The following TEKT5 variants were observed in gnomAD, a reference collection of about 807,000 sequenced individuals.
TEKT5 encodes the protein tektin 5.
A neutral mutation model predicts 48.7 loss-of-function variants in TEKT5; 52 were observed. The observed-to-expected ratio is 1.07, with a 90% CI of 0.86 to 1.35. The LOEUF is 1.35. Ranked by LOEUF, TEKT5 falls within the 40% of genes most tolerant of loss-of-function variation. TEKT5 has a pLI of 0.00. For missense variants in TEKT5, 831 were observed against 641.6 expected (o/e 1.30, Z -3.19); for synonymous variants, 318 against 267.6 (o/e 1.19, Z -1.84).
At chr16:10,675,617 G>C (rs1338388075) in intron 5 of TEKT5, among the ~76,000 whole-genome samples, 2 of 152,188 alleles carry the variant, frequency 1.3e-5, no homozygotes, top group Non-Finnish European at 2.9e-5. Flanking sequence ...TGCAGAAGTG[G>C]CAGAGACTAT....
chr16:10,652,733 C>T (rs1175590038), intron 5 of TEKT5, among the ~76,000 whole-genome samples: 66 of 78,042 alleles, frequency 8.5e-4, no homozygotes, highest in African/African-American at 2.3e-3. Context: ...ACCCTCCAGG[C>T]CAGGTAGAGT....
rs1898873640 is a variant in TEKT5 at position 10,687,076 on chromosome 16, G to T, written c.719+2177C>A. Among the ~76,000 whole-genome samples, 4 of 152,294 alleles carry T rather than the reference G, an allele frequency of 2.6e-5. No homozygotes were observed. The South Asian group carries it at 8.3e-4, about 32-fold the overall frequency. ...ACAGAGTAGAATGGTTGTTACCAGAGGCTGGGGGTGGGGTATTGGGGAGAT... is the reference window on the plus strand; with the variant it reads ...ACAGAGTAGAATGGTTGTTACCAGATGCTGGGGGTGGGGTATTGGGGAGAT... On this transcript the variant is annotated intron_variant, in intron 3 of 6. Coordinates refer to ENST00000283025, the MANE Select transcript of TEKT5 (RefSeq NM_144674.2).
chr16:10,657,518 G>A (rs1193431555), intron 5 of TEKT5, among the ~76,000 whole-genome samples: 2 of 152,048 alleles, frequency 1.3e-5, no homozygotes, highest in South Asian at 2.1e-4. Flanking sequence ...TATAACCAAT[G>A]ACTTCCAAAG....
intron 5 of TEKT5, among the ~76,000 whole-genome samples, chr16:10,656,114 G>C (rs1344516451): frequency 6.6e-6 from 1 of 152,080 alleles, no homozygotes; most frequent in East Asian, 1.9e-4. Context: ...TGTTTAGTTA[G>C]CAGCCTCCCT....
chr16:10,684,648 A>G (rs1898825712), intron 3 of TEKT5, among the ~76,000 whole-genome samples: 1 of 152,052 alleles, frequency 6.6e-6, no homozygotes, highest in South Asian at 2.1e-4. Context: ...GAAAGCAAAC[A>G]TGTTAGAGAA....
At chr16:10,640,344 C>T (rs906480280) in intron 5 of TEKT5, among the ~76,000 whole-genome samples, 2 of 152,100 alleles carry the variant, frequency 1.3e-5, no homozygotes, top group Admixed American at 1.3e-4. Context: ...AAACTCCTGA[C>T]CTAAAGTGAT....
At chr16:10,640,127 C>CCCT (rs1897973891) in intron 5 of TEKT5, among the ~76,000 whole-genome samples, 8 of 131,168 alleles carry the variant, frequency 6.1e-5, no homozygotes, top group Admixed American at 4.7e-4. Flanking sequence ...CTCCTCCCCC[C>CCCT]TTCCTCCTCC....
intron 5 of TEKT5, among the ~76,000 whole-genome samples, chr16:10,645,187 T>C (rs892492890): frequency 3.3e-5 from 5 of 152,170 alleles, no homozygotes; most frequent in African/African-American, 1.2e-4. Flanking sequence ...GCCCCCCCAG[T>C]TATTGCATGA....
rs2142250546 is a variant in TEKT5 at position 10,627,893 on chromosome 16, A to G, written c.1242-94T>C. 4.1e-6 allele frequency: 5 copies of G among 1,222,068 alleles called. No homozygotes were observed. The South Asian group carries it at 5.7e-5, about 14-fold the overall frequency. The allele number at this position is 1,222,068 out of a possible 1,614,324, so 75.7% of individuals were successfully genotyped here. A position where few individuals can be genotyped will look rare whatever the true frequency, so the allele number is the denominator to read the frequency against. The stretch of plus-strand genomic sequence containing the variant: ...AGTCTCACTCTGTCACCCAGGCTGG[A>G]GTGCAGTGGCACAATCTCGGCTCAC... On this transcript the variant is annotated intron_variant, in intron 6 of 6. Coordinates refer to ENST00000283025, the MANE Select transcript of TEKT5 (RefSeq NM_144674.2).
At chr16:10,693,075 T>C (rs1355780882) in intron 1 of TEKT5, 1 of 152,270 alleles carries the variant, frequency 6.6e-6, no homozygotes, top group Non-Finnish European at 1.5e-5. Context: ...TGTCCACATT[T>C]AGTTTTTGTT....
At chr16:10,634,802 T>A (rs752217792) in intron 6 of TEKT5, among the ~76,000 whole-genome samples, 4 of 152,112 alleles carry the variant, frequency 2.6e-5, no homozygotes, top group Non-Finnish European at 5.9e-5. Flanking sequence ...AGCAAAGAAC[T>A]GAGTTCTACC....
chr16:10,655,261 T>C (rs1898241441), intron 5 of TEKT5, among the ~76,000 whole-genome samples: 1 of 152,108 alleles, frequency 6.6e-6, no homozygotes, highest in Admixed American at 6.6e-5. Flanking sequence ...TATTTACACG[T>C]TCTTATCGCT....
At chr16:10,652,869 A>ACACACACACCC (rs1178174946) in intron 5 of TEKT5, among the ~76,000 whole-genome samples, 1 of 88,902 alleles carries the variant, frequency 1.1e-5, no homozygotes, top group African/African-American at 5.6e-5. Context: ...ACACACACAC[A>ACACACACACCC]CCCTCCAGGT....
At chr16:10,691,643 GA>G (rs1225584981) in intron 1 of TEKT5, among the ~76,000 whole-genome samples, 1 of 152,072 alleles carries the variant, frequency 6.6e-6, no homozygotes, top group Non-Finnish European at 1.5e-5. Context: ...AGGAATTCCG[GA>G]ATTAAGATGT....
rs1025463274 is a variant in TEKT5, at chr16:10,629,834, T to C, written c.1242-2035A>G. 2.6e-5 allele frequency among the ~76,000 whole-genome samples: 4 copies of C among 152,258 alleles called. 1 individual carries two copies. The highest frequency in any genetic ancestry group is 9.6e-5 in the African/African-American group (4 of 41,468). On this transcript the variant is annotated intron_variant, in intron 6 of 6. Coordinates refer to ENST00000283025, the MANE Select transcript of TEKT5 (RefSeq NM_144674.2). ...CATCTCTGTGATGCACTTCAAGGTC[T>C]GGCGCCCCTTGCAGGATCAGCTGGG...
intron 6 of TEKT5, among the ~76,000 whole-genome samples, chr16:10,633,455 G>A (rs1306162163): frequency 1.3e-5 from 2 of 152,156 alleles, no homozygotes; most frequent in Non-Finnish European, 2.9e-5. Context: ...AGCAGGGGCA[G>A]AGGGAAGAGA....
chr16:10,694,500 T>TC lies in TEKT5; in HGVS notation c.373dup (p.Asp125GlyfsTer34). On this transcript the variant is annotated frameshift_variant, in exon 1 of 7. Coordinates refer to ENST00000283025, the MANE Select transcript of TEKT5 (RefSeq NM_144674.2). LOFTEE classifies it high-confidence loss of function. ...CATCTGGTGCGTCAGCTGGTCCTTG[T>TC]CCTGCAAGAGCCTCATGGAGTCATC... 6.2e-7 allele frequency: 1 copy of TC among 1,613,244 alleles called. No homozygotes were observed. Among genetic ancestry groups the TC allele is most frequent in the Middle Eastern group, 1.7e-4 (1 of 6,060 alleles).
intron 5 of TEKT5, among the ~76,000 whole-genome samples, chr16:10,653,636 G>A (rs536368227): frequency 2.2e-4 from 34 of 152,330 alleles, no homozygotes; most frequent in African/African-American, 7.7e-4. Flanking sequence ...TGCCCGGCCA[G>A]GTGTGGTGGC....
intron 5 of TEKT5, among the ~76,000 whole-genome samples, chr16:10,642,021 G>T (rs1048948392): frequency 6.6e-6 from 1 of 152,224 alleles, no homozygotes; most frequent in Admixed American, 6.5e-5. Context: ...GGGGCTGGCC[G>T]CAGGCTGGCA....
Sources: allele counts gnomAD v4.1 joint callset (sites outside exome capture counted in the v4.1 genomes callset), GRCh38; gene constraint gnomAD v4.1.1; transcripts MANE v1.5; gene names NCBI Gene and HGNC (gene_info 2026-07-23, HGNC 2026-07-21).